UVRAG: variants seen among roughly 807,000 people sequenced by gnomAD.
UVRAG encodes the protein UV radiation resistance-associated gene protein.
In UVRAG, 19 loss-of-function variants were observed where a neutral mutation model predicts 78.0. The ratio of observed to expected loss-of-function variants is 0.24; its 90% CI spans 0.17 to 0.36. The LOEUF (loss-of-function observed/expected upper bound fraction) is 0.36, where lower values mean the gene tolerates loss of function less well. Ranked by LOEUF, UVRAG falls within the 10% of genes least tolerant of loss-of-function variation. The probability of loss-of-function intolerance (pLI) is 1.00; values close to 1 mark genes in which losing one functional copy is unlikely to be tolerated. For missense variants in UVRAG, 740 were observed against 853.8 expected, an observed-to-expected ratio of 0.87 and a Z score of 1.66; for synonymous variants, 323 against 324.6, an observed-to-expected ratio of 1.00 and a Z score of 0.05.
chr11:75,872,331 T>C (rs932871153), intron 3 of UVRAG, among the ~76,000 whole-genome samples: 2 of 152,030 alleles, frequency 1.3e-5, no homozygotes, highest in Non-Finnish European at 2.9e-5. Flanking sequence ...TCCATTATTC[T>C]TACTTTAGAC....
At chr11:76,134,596 A>T (rs2134506071) in intron 14 of UVRAG, among the ~76,000 whole-genome samples, 1 of 152,068 alleles carries the variant, frequency 6.6e-6, no homozygotes, top group African/African-American at 2.4e-5. Context: ...TCTACCTATT[A>T]CCCTGTGTTC....
At chr11:75,869,568 G>A (rs1946606403) in intron 3 of UVRAG, among the ~76,000 whole-genome samples, 1 of 152,154 alleles carries the variant, frequency 6.6e-6, no homozygotes, top group Non-Finnish European at 1.5e-5. Flanking sequence ...TTTGAAGGGA[G>A]ACAGAGATAA....
intron 12 of UVRAG, among the ~76,000 whole-genome samples, chr11:76,020,022 G>A (rs537697603): frequency 2.6e-5 from 4 of 152,238 alleles, no homozygotes; most frequent in South Asian, 2.1e-4. Context: ...ATTCTATTGC[G>A]GCTAAGCTGG....
At chr11:75,998,193 A>G (rs1949742846) in intron 8 of UVRAG, among the ~76,000 whole-genome samples, 1 of 152,222 alleles carries the variant, frequency 6.6e-6, no homozygotes, top group Non-Finnish European at 1.5e-5. Context: ...CAGCTCACTT[A>G]TACTAATGGC....
intron 1 of UVRAG, among the ~76,000 whole-genome samples, chr11:75,830,038 A>G (rs895303548): frequency 1.3e-5 from 2 of 151,114 alleles, no homozygotes; most frequent in Non-Finnish European, 2.9e-5. Context: ...TGGGGTTTTG[A>G]CATGTTTGCC....
chr11:75,892,945 C>T (rs1240510705), intron 5 of UVRAG, among the ~76,000 whole-genome samples: 1 of 151,916 alleles, frequency 6.6e-6, no homozygotes, highest in African/African-American at 2.4e-5. Flanking sequence ...TTTGGGAGGC[C>T]GAGGCAGGTG....
At chr11:76,004,443 T>A (rs895035980) in intron 9 of UVRAG, among the ~76,000 whole-genome samples, 1 of 152,218 alleles carries the variant, frequency 6.6e-6, no homozygotes, top group African/African-American at 2.4e-5. Context: ...TTACTTCTGC[T>A]TCTTGTTAGC....
At chr11:76,002,213 GTTC>G (rs775158475) in intron 8 of UVRAG, among the ~76,000 whole-genome samples, 12 of 152,148 alleles carry the variant, frequency 7.9e-5, no homozygotes, top group African/African-American at 1.2e-4. Flanking sequence ...CAAATACTTA[GTTC>G]TTCTCTATCT....
At chr11:75,967,349 T>G (rs1405624583) in intron 7 of UVRAG, among the ~76,000 whole-genome samples, 1 of 152,356 alleles carries the variant, frequency 6.6e-6, no homozygotes, top group South Asian at 2.1e-4. Context: ...GTGAAATTAA[T>G]GGATAGGAAA....
chr11:75,882,979 G>A (rs1453304872), intron 4 of UVRAG, among the ~76,000 whole-genome samples: 2 of 152,218 alleles, frequency 1.3e-5, no homozygotes, highest in East Asian at 3.9e-4. Flanking sequence ...CAGGGCCTTT[G>A]TTTTCTTTTT....
chr11:75,908,772 C>T (rs1356485351), intron 5 of UVRAG, among the ~76,000 whole-genome samples: 4 of 120,412 alleles, frequency 3.3e-5, no homozygotes, highest in South Asian at 2.6e-4. Flanking sequence ...TTCTATCTAC[C>T]TCTTTATCTG....
Position 75,870,077 on chromosome 11 carries a change from A to ATG in UVRAG, c.270+8297_270+8298insTG, listed in dbSNP as rs1279871909. 9.2e-5 allele frequency among the ~76,000 whole-genome samples: 14 copies of ATG among 152,314 alleles called. No homozygotes were observed. The Middle Eastern group carries it at 0.01, about 111-fold the overall frequency. ...GGGCGGGTATGTATAGGTTAAATAT[A>ATG]AATAAAAAAATCATCTGGGTCTATA... On this transcript the variant is annotated intron_variant, in intron 3 of 14. Transcript: ENST00000356136.
chr11:75,828,731 GTATATA>G (rs199596890), intron 1 of UVRAG, among the ~76,000 whole-genome samples: 2 of 110,822 alleles, frequency 1.8e-5, no homozygotes, highest in Admixed American at 1.0e-4. Flanking sequence ...ATGTGTGTGT[GTATATA>G]TATATATATA....
At chr11:75,892,717 A>G (rs1947241548) in intron 5 of UVRAG, among the ~76,000 whole-genome samples, 1 of 152,178 alleles carries the variant, frequency 6.6e-6, no homozygotes, top group Non-Finnish European at 1.5e-5. Context: ...CCCCTTTACC[A>G]GCTTTCAAAT....
At chr11:75,902,957 T>C (rs1947538195) in intron 5 of UVRAG, among the ~76,000 whole-genome samples, 1 of 152,222 alleles carries the variant, frequency 6.6e-6, no homozygotes, top group Non-Finnish European at 1.5e-5. Context: ...GAGTAAATTC[T>C]TATTGTCTGC....
intron 7 of UVRAG, among the ~76,000 whole-genome samples, chr11:75,967,080 G>C (rs191684866): frequency 6.6e-6 from 1 of 152,252 alleles, no homozygotes; most frequent in East Asian, 1.9e-4. Flanking sequence ...CATTTTATTG[G>C]TTGTTTATGC....
At chr11:76,043,830 C>T (rs920424753) in intron 12 of UVRAG, among the ~76,000 whole-genome samples, 1 of 152,172 alleles carries the variant, frequency 6.6e-6, no homozygotes, top group African/African-American at 2.4e-5. Flanking sequence ...TAAAAATACA[C>T]ACTGTGGTGT....
At chr11:76,042,959 A>G (rs1373632438) in intron 12 of UVRAG, among the ~76,000 whole-genome samples, 1 of 152,194 alleles carries the variant, frequency 6.6e-6, no homozygotes, top group Non-Finnish European at 1.5e-5. Flanking sequence ...CTGGGTCCCA[A>G]TTAATGTAAT....
intron 2 of UVRAG, among the ~76,000 whole-genome samples, chr11:75,856,379 T>C (rs1946293448): frequency 6.6e-6 from 1 of 152,196 alleles, no homozygotes; most frequent in Non-Finnish European, 1.5e-5. Context: ...ACCGACTGTC[T>C]TGAATACATC....
Sources: allele counts gnomAD v4.1 joint callset (sites outside exome capture counted in the v4.1 genomes callset), GRCh38; gene constraint gnomAD v4.1.1; transcripts MANE v1.5; gene names NCBI Gene and HGNC (gene_info 2026-07-23, HGNC 2026-07-21).